PARP8: variants seen among roughly 807,000 people sequenced by gnomAD.
The protein encoded by PARP8 is poly(ADP-ribose) polymerase family member 8.
Under a neutral mutation model 124.1 loss-of-function variants are expected in PARP8, and 51 were observed. The ratio of observed to expected loss-of-function variants is 0.41; its 90% CI spans 0.33 to 0.52. The LOEUF (loss-of-function observed/expected upper bound fraction) is 0.52, where lower values mean the gene tolerates loss of function less well. Among genes scored for constraint, PARP8 ranks in the 20% least tolerant of loss-of-function variants. PARP8 has a pLI of 0.21. For synonymous variants in PARP8, 391 were observed against 361.5 expected (o/e 1.08, Z -0.93); for missense variants, 860 against 1,018.9 (o/e 0.84, Z 2.12).
At chr5:50,794,365 T>C (rs201187299) in intron 11 of PARP8, 33 bp downstream of exon 11, 148 of 1,608,210 alleles carry the variant, frequency 9.2e-5, no homozygotes, top group Non-Finnish European at 1.2e-4. Context: ...ATTGTCTTAC[T>C]GAATGCTGAG....
chr5:50,833,717 C>G (rs1247973274), intron 23 of PARP8, among the ~76,000 whole-genome samples: 1 of 152,094 alleles, frequency 6.6e-6, no homozygotes, highest in Non-Finnish European at 1.5e-5. Flanking sequence ...AATTTGAGTT[C>G]TAATTCTGTG....
At position 50,835,713 on chromosome 5, in the gene PARP8, G is replaced by A. The variant is rs1747502961; in HGVS notation, c.2462+698G>A. Among the ~76,000 whole-genome samples, 2 of 152,026 alleles carry A rather than the reference G, an allele frequency of 1.3e-5. 1 individual carries two copies. ...TAATGAAAAGGTCTGTCCTATAAAA[G>A]ATTGATCTACATTCCATATAATACA... On this transcript the variant is annotated intron_variant, in intron 25 of 25. Transcript: ENST00000281631.
At chr5:50,691,008 G>C (rs1309464617) in intron 2 of PARP8, among the ~76,000 whole-genome samples, 6 of 152,032 alleles carry the variant, frequency 3.9e-5, no homozygotes, top group Non-Finnish European at 5.9e-5. Context: ...TCTACTTCTT[G>C]CCAGATACCT....
At chr5:50,725,556 A>G (rs562593745) in intron 2 of PARP8, among the ~76,000 whole-genome samples, 1 of 152,312 alleles carries the variant, frequency 6.6e-6, no homozygotes, top group Admixed American at 6.5e-5. Flanking sequence ...CGGTCAGGGT[A>G]TCTGTGAAAT....
chr5:50,832,667 G>T (rs1281000315), intron 22 of PARP8, 114 bp from the exon 23 acceptor site: 37 of 1,004,726 alleles, frequency 3.7e-5, no homozygotes, highest in Non-Finnish European at 5.5e-5. Flanking sequence ...ACTGTCTCTA[G>T]CCTAATGTGA....
In PARP8 at chr5:50,761,869, G is replaced by T; in HGVS notation, c.394G>T (p.Asp132Tyr). Residue 132 changes from aspartate (D) to tyrosine (Y), a missense_variant, in exon 6 of 26, where the codon GAT (aspartate) becomes TAT (tyrosine). Physicochemically the swap from Asp to Tyr is radical, Grantham distance 160 (BLOSUM62 -3). Transcript: ENST00000281631. ...GGAGGAAGATTCTGAAGGTGACAAT[G>T]ATTCCGAAGAATTTTATTACGGAGG... is the stretch of plus-strand genomic sequence containing the variant. ...TVEEDSEGDNDSEEFYYGGQV... is the reference protein window; with the variant it reads ...TVEEDSEGDNYSEEFYYGGQV... 6.2e-7 allele frequency: 1 copy of T among 1,604,356 alleles called. No homozygotes were observed. The highest frequency in any genetic ancestry group is 1.1e-5 in the South Asian group (1 of 90,128).
intron 7 of PARP8, 160 bp downstream of exon 7, chr5:50,763,402 G>T: frequency 1.7e-6 from 1 of 571,646 alleles, no homozygotes; most frequent in Non-Finnish European, 3.1e-6. Context: ...ACATATTTAT[G>T]GCTATTTTTT....
intron 2 of PARP8, among the ~76,000 whole-genome samples, chr5:50,729,904 G>A (rs1367712620): frequency 1.3e-5 from 2 of 152,060 alleles, no homozygotes; most frequent in African/African-American, 2.4e-5. Context: ...ATTAAATGTC[G>A]GTTAGCTGAA....
In PARP8 at chr5:50,762,122, C is replaced by G. The variant is rs144520268; in HGVS notation, c.423+224C>G. Among the ~76,000 whole-genome samples the G allele has an allele frequency of 2.1e-4, 32 of 152,236 alleles. No homozygotes were observed. In the East Asian group the frequency reaches 6.0e-3, roughly 28 times the overall value. On this transcript the variant is annotated intron_variant, in intron 6 of 25. Transcript: ENST00000281631. ...TGTAATCATTTATTTACATTGAAGT[C>G]ATCTTAATTCATTACAGCGATTTTG... is the stretch of plus-strand genomic sequence containing the variant.
chr5:50,667,536 G>A, intron 1 of PARP8: 1 of 700,144 alleles, frequency 1.4e-6, no homozygotes. Context: ...GCAGAGCGGG[G>A]TTGGTTTGCG....
At chr5:50,690,297 G>A (rs981170860) in intron 2 of PARP8, among the ~76,000 whole-genome samples, 6 of 152,180 alleles carry the variant, frequency 3.9e-5, no homozygotes, top group African/African-American at 1.4e-4. Flanking sequence ...TTGGAAGAAG[G>A]TAGAGGAATT....
chr5:50,786,604 G>A lies in PARP8; in HGVS notation c.671-1919G>A, dbSNP rs568927757. 3.3e-5 allele frequency among the ~76,000 whole-genome samples: 5 copies of A among 151,708 alleles called. No homozygotes were observed. The East Asian group carries it at 9.8e-4, about 30-fold the overall frequency. On this transcript the variant is annotated intron_variant, in intron 9 of 25. Coordinates refer to ENST00000281631, the MANE Select transcript of PARP8 (RefSeq NM_024615.4). ...ACTGGTCTTGAACTCCTGGGCTCAA[G>A]CAATTCACCTGCCTGAGCCTCCCAA...
At chr5:50,786,911 T>C (rs1218637848) in intron 9 of PARP8, among the ~76,000 whole-genome samples, 2 of 152,332 alleles carry the variant, frequency 1.3e-5, no homozygotes. Context: ...GCCTAAATGC[T>C]GGGCTTCTCC....
chr5:50,704,309 A>G (rs1041619578), intron 2 of PARP8, among the ~76,000 whole-genome samples: 9 of 152,136 alleles, frequency 5.9e-5, no homozygotes, highest in African/African-American at 1.9e-4. Flanking sequence ...CTGACAGTCA[A>G]AAAAGGCCAC....
chr5:50,834,912 T>G lies in PARP8; in HGVS notation c.2378-19T>G. ...CTTTAGAATAAAGTGGTTCTTTAAT[T>G]TTATTTTCCACTTAACAGTGATCAC... On this transcript the variant is annotated intron_variant, in intron 24 of 25. Coordinates refer to ENST00000281631, the MANE Select transcript of PARP8 (RefSeq NM_024615.4). 1 of 1,605,034 alleles carries G rather than the reference T, an allele frequency of 6.2e-7. No homozygotes were observed. Among genetic ancestry groups the G allele is most frequent in the Non-Finnish European group, 8.5e-7 (1 of 1,172,490 alleles).
rs193112343 is a variant in PARP8, at chr5:50,775,208, C to T, written c.519-2861C>T. On this transcript the variant is annotated intron_variant, in intron 7 of 25. Coordinates refer to ENST00000281631, the MANE Select transcript of PARP8 (RefSeq NM_024615.4). ...GCACTTTGGGAGGCCAAGCAGGTGG[C>T]TGGGAGGTGGAGGTTGTAGTGAGCC... Among the ~76,000 whole-genome samples the T allele has an allele frequency of 9.0e-4, 137 of 152,278 alleles. 1 individual carries two copies. Among genetic ancestry groups the T allele is most frequent in the African/African-American group, 2.8e-3 (118 of 41,564 alleles).
intron 14 of PARP8, among the ~76,000 whole-genome samples, chr5:50,805,308 G>T (rs2149672371): frequency 6.6e-6 from 1 of 152,130 alleles, no homozygotes; most frequent in African/African-American, 2.4e-5. Context: ...GAAGAAAGGA[G>T]GTTATTGAGG....
rs1466672909 is a variant in PARP8, at chr5:50,678,189, CA to C, written c.146+10069del. Among the ~76,000 whole-genome samples the C allele has an allele frequency of 7.9e-5, 12 of 152,162 alleles. 2 individuals are homozygous for C. Among genetic ancestry groups the C allele is most frequent in the Admixed American group, 6.5e-4 (10 of 15,278 alleles). On this transcript the variant is annotated intron_variant, in intron 2 of 25. Transcript: ENST00000281631. ...TTACAAAAATTATTAAGAACCATTA[CA>C]AAAATTCCCTGCCTACTAATTTTCA...
At chr5:50,812,732 G>A (rs1157171903) in intron 14 of PARP8, among the ~76,000 whole-genome samples, 4 of 151,952 alleles carry the variant, frequency 2.6e-5, no homozygotes, top group Non-Finnish European at 5.9e-5. Flanking sequence ...TTTAGGTGTA[G>A]CATTTAAGTC....
Sources: gnomAD v4.1 joint callset for allele counts (sites outside exome capture counted in the v4.1 genomes callset) on GRCh38, gnomAD v4.1.1 for gene constraint, MANE v1.5 for transcripts, NCBI Gene and HGNC (gene_info 2026-07-23, HGNC 2026-07-21) for gene names.